The following GRM7 variants were observed in gnomAD, a reference collection of about 807,000 sequenced individuals.
GRM7 encodes glutamate metabotropic receptor 7, also known as metabotropic glutamate receptor 7.
Under a neutral mutation model 84.5 loss-of-function variants are expected in GRM7, and 35 were observed. The ratio of observed to expected loss-of-function variants is 0.41; its 90% CI spans 0.32 to 0.55. The LOEUF (loss-of-function observed/expected upper bound fraction) is 0.55, where lower values mean the gene tolerates loss of function less well. GRM7 is among the 20% of genes least tolerant of loss of function. The probability of loss-of-function intolerance (pLI) is 0.19; values close to 1 mark genes in which losing one functional copy is unlikely to be tolerated. For synonymous variants in GRM7, 487 were observed against 455.1 expected (o/e 1.07, Z -0.89); for missense variants, 1,003 against 1,194.6 (o/e 0.84, Z 2.36).
chr3:6,983,333 G>A (rs1694275429), intron 1 of GRM7, among the ~76,000 whole-genome samples: 1 of 152,106 alleles, frequency 6.6e-6, no homozygotes, highest in Admixed American at 6.6e-5. Flanking sequence ...AGAAAAATTA[G>A]GCCTGATATT....
intron 2 of GRM7, among the ~76,000 whole-genome samples, chr3:7,160,673 G>A (rs1694595844): frequency 6.6e-6 from 1 of 152,076 alleles, no homozygotes; most frequent in South Asian, 2.1e-4. Flanking sequence ...TCCTCACTGT[G>A]TACCCCACCA....
At position 6,861,249 on chromosome 3, in the gene GRM7, T is replaced by A; in HGVS notation, c.-140T>A. The stretch of plus-strand genomic sequence containing the variant: ...ACCCCTCACCCTCTCTGGTCGCCCC[T>A]CCCCGGATTCCCCCACCCTCCGTGC... On this transcript the variant is annotated 5_prime_UTR_variant, in exon 1 of 10. Transcript: ENST00000357716. The surrounding 1 kb of genome is among the most constrained non-coding windows in gnomAD (Gnocchi z 6.4). 15 of 610,710 alleles carry A rather than the reference T, an allele frequency of 2.5e-5. No individual in the cohort carries two copies. The highest frequency in any genetic ancestry group is 3.7e-5 in the East Asian group (1 of 26,888). The allele number at this position is 610,710 out of a possible 1,614,324, so 37.8% of individuals were successfully genotyped here. A position where few individuals can be genotyped will look rare whatever the true frequency, so the allele number is the denominator to read the frequency against.
intron 1 of GRM7, among the ~76,000 whole-genome samples, chr3:6,961,224 A>C: frequency 6.6e-6 from 1 of 151,680 alleles, no homozygotes. Flanking sequence ...TCTCACAGCC[A>C]CCTCCTTCTC....
chr3:6,974,749 C>T (rs758183333), intron 1 of GRM7, among the ~76,000 whole-genome samples: 1 of 151,994 alleles, frequency 6.6e-6, no homozygotes, highest in African/African-American at 2.4e-5. Context: ...ATAACAAGGG[C>T]TGTTGGGGAG....
intron 8 of GRM7, among the ~76,000 whole-genome samples, chr3:7,669,318 A>C (rs1310136648): frequency 6.6e-6 from 1 of 152,212 alleles, no homozygotes; most frequent in African/African-American, 2.4e-5. Context: ...CTGAAAGACA[A>C]GTAGGAGGTA....
intron 4 of GRM7, among the ~76,000 whole-genome samples, chr3:7,399,723 A>G (rs1190403536): frequency 1.3e-5 from 2 of 152,066 alleles, no homozygotes; most frequent in Non-Finnish European, 2.9e-5. Context: ...TTCTCACAAG[A>G]GCTGAGTTGT....
At chr3:7,268,426 A>T (rs1394561253) in intron 2 of GRM7, among the ~76,000 whole-genome samples, 1 of 152,280 alleles carries the variant, frequency 6.6e-6, no homozygotes, top group African/African-American at 2.4e-5. Context: ...ACTGCACTCC[A>T]GCCTGGGTGA....
chr3:7,113,578 A>T (rs1692932741), intron 1 of GRM7, among the ~76,000 whole-genome samples: 1 of 152,162 alleles, frequency 6.6e-6, no homozygotes, highest in Non-Finnish European at 1.5e-5. Flanking sequence ...CCCAGAGTTC[A>T]TAAGTTTATT....
At chr3:7,370,759 T>C (rs193268009) in intron 4 of GRM7, among the ~76,000 whole-genome samples, 2 of 152,216 alleles carry the variant, frequency 1.3e-5, no homozygotes, top group African/African-American at 4.8e-5. Flanking sequence ...ATCGTGTACA[T>C]CAGTGTCAGG....
At chr3:7,152,151 G>A (rs1050378359) in intron 2 of GRM7, among the ~76,000 whole-genome samples, 1 of 152,078 alleles carries the variant, frequency 6.6e-6, no homozygotes, top group Non-Finnish European at 1.5e-5. Flanking sequence ...CATTTCATTT[G>A]TTTTGGGATC....
intron 1 of GRM7, among the ~76,000 whole-genome samples, chr3:6,983,047 G>A (rs1575096791): frequency 6.6e-6 from 1 of 152,154 alleles, no homozygotes; most frequent in Non-Finnish European, 1.5e-5. Flanking sequence ...TGCAGTAGGC[G>A]AAGATATTTT....
chr3:7,609,510 A>T, intron 8 of GRM7, among the ~76,000 whole-genome samples: 1 of 152,166 alleles, frequency 6.6e-6, no homozygotes, highest in East Asian at 1.9e-4. Flanking sequence ...GAGCTCGTGG[A>T]ACAGAAGATG....
chr3:6,902,368 G>T (rs1393193317), intron 1 of GRM7, among the ~76,000 whole-genome samples: 4 of 151,996 alleles, frequency 2.6e-5, no homozygotes, highest in Non-Finnish European at 4.4e-5. Context: ...ACAATGTCTG[G>T]GTTAAACCTT....
chr3:7,590,662 G>A (rs1262127137), intron 8 of GRM7, among the ~76,000 whole-genome samples: 5 of 152,040 alleles, frequency 3.3e-5, no homozygotes, highest in African/African-American at 1.2e-4. Context: ...TCCTTCCCAG[G>A]ACCTTTGTTC....
intron 2 of GRM7, among the ~76,000 whole-genome samples, chr3:7,287,342 G>A (rs563157301): frequency 3.3e-4 from 51 of 152,266 alleles, no homozygotes; most frequent in Non-Finnish European, 6.2e-4. Flanking sequence ...GAGAAGGCCA[G>A]TAAATTGGAA....
chr3:7,019,692 T>C (rs1038124335), intron 1 of GRM7, among the ~76,000 whole-genome samples: 1 of 152,210 alleles, frequency 6.6e-6, no homozygotes, highest in Non-Finnish European at 1.5e-5. Context: ...TTATGACTAA[T>C]TGCAGGACGG....
At chr3:7,677,807 C>T (rs190837753) in intron 8 of GRM7, among the ~76,000 whole-genome samples, 1 of 152,282 alleles carries the variant, frequency 6.6e-6, no homozygotes, top group Admixed American at 6.5e-5. Flanking sequence ...CCAAAAGACG[C>T]ATGTACTCAC....
chr3:7,340,184 G>A (rs1322438056), intron 4 of GRM7, among the ~76,000 whole-genome samples: 2 of 152,128 alleles, frequency 1.3e-5, no homozygotes, highest in East Asian at 1.9e-4. Context: ...CTTTGAATGT[G>A]TTATGGTGTC....
chr3:7,020,455 A>G (rs1334637510), intron 1 of GRM7, among the ~76,000 whole-genome samples: 1 of 152,222 alleles, frequency 6.6e-6, no homozygotes, highest in Non-Finnish European at 1.5e-5. Context: ...AGAACCTGCT[A>G]TTTAGAGCAG....
Sources: gnomAD v4.1 joint callset for allele counts (sites outside exome capture counted in the v4.1 genomes callset) on GRCh38, gnomAD v4.1.1 for gene constraint, Gnocchi (gnomAD v3.1) non-coding constraint, MANE v1.5 for transcripts, NCBI Gene and HGNC (gene_info 2026-07-23, HGNC 2026-07-21) for gene names.